Variants in CDH12 observed in about 807,000 individuals in gnomAD.
CDH12 encodes cadherin 12.
CDH12 carries 41 observed loss-of-function variants against 74.1 expected under a neutral mutation model. The ratio of observed to expected loss-of-function variants is 0.55; its 90% CI spans 0.43 to 0.72. The LOEUF (loss-of-function observed/expected upper bound fraction) is 0.72. Among genes scored for constraint, CDH12 ranks in the 30% least tolerant of loss-of-function variants. The pLI is 0.00. For synonymous variants in CDH12, 399 were observed against 355.0 expected, an observed-to-expected ratio of 1.12 and a Z score of -1.39; for missense variants, 945 against 977.2, an observed-to-expected ratio of 0.97 and a Z score of 0.44.
At chr5:22,097,796 C>T (rs544732651) in intron 4 of CDH12, among the ~76,000 whole-genome samples, 3 of 152,210 alleles carry the variant, frequency 2.0e-5, no homozygotes, top group Non-Finnish European at 2.9e-5. Context: ...CCCATTAAAA[C>T]CTAATCACTC....
At chr5:22,086,655 C>G (rs1363377588) in intron 4 of CDH12, among the ~76,000 whole-genome samples, 3 of 151,946 alleles carry the variant, frequency 2.0e-5, no homozygotes, top group Non-Finnish European at 4.4e-5. Flanking sequence ...CCGTGCCCGG[C>G]CCGAATTTTA....
intron 5 of CDH12, among the ~76,000 whole-genome samples, chr5:22,040,409 C>A (rs550579093): frequency 1.3e-5 from 2 of 152,214 alleles, no homozygotes; most frequent in African/African-American, 4.8e-5. Flanking sequence ...TTGCTGAAAA[C>A]TCCCCAAGTG....
At chr5:21,894,786 G>T (rs1244608819) in intron 6 of CDH12, among the ~76,000 whole-genome samples, 1 of 151,880 alleles carries the variant, frequency 6.6e-6, no homozygotes, top group African/African-American at 2.4e-5. Flanking sequence ...GTAACCCTTG[G>T]CAACACGAAA....
chr5:21,855,602 G>A (rs1013165843), intron 6 of CDH12, among the ~76,000 whole-genome samples: 7 of 151,304 alleles, frequency 4.6e-5, no homozygotes, highest in Non-Finnish European at 8.9e-5. Flanking sequence ...TACCCAAATT[G>A]TAGCAAATAA....
At chr5:22,276,747 C>A (rs1313915386) in intron 3 of CDH12, among the ~76,000 whole-genome samples, 1 of 152,112 alleles carries the variant, frequency 6.6e-6, no homozygotes, top group Admixed American at 6.5e-5. Flanking sequence ...AGCGCAGTGG[C>A]GCGATCTCAG....
chr5:22,462,599 G>T (rs190841493), intron 2 of CDH12, among the ~76,000 whole-genome samples: 3 of 152,084 alleles, frequency 2.0e-5, no homozygotes, highest in African/African-American at 7.2e-5. Flanking sequence ...ACCCACACCT[G>T]TGAAGATCTG....
intron 6 of CDH12, among the ~76,000 whole-genome samples, chr5:21,888,038 C>T (rs1040480401): frequency 5.3e-5 from 8 of 151,808 alleles, no homozygotes; most frequent in African/African-American, 1.9e-4. Flanking sequence ...ATAACAACAA[C>T]AACAACAAAA....
chr5:22,406,074 T>C (rs748382788), intron 2 of CDH12, among the ~76,000 whole-genome samples: 3 of 152,212 alleles, frequency 2.0e-5, no homozygotes, highest in Non-Finnish European at 4.4e-5. Flanking sequence ...TATATTCAAT[T>C]CAATACTGGT....
chr5:22,795,560 C>T (rs569653501), intron 1 of CDH12, among the ~76,000 whole-genome samples: 8 of 150,986 alleles, frequency 5.3e-5, no homozygotes, highest in Non-Finnish European at 7.4e-5. Context: ...ATAATATATA[C>T]ACATACACAT....
At chr5:22,147,883 C>G (rs1747310553) in intron 4 of CDH12, among the ~76,000 whole-genome samples, 1 of 152,102 alleles carries the variant, frequency 6.6e-6, no homozygotes, top group Non-Finnish European at 1.5e-5. Context: ...TGGGTGGGGA[C>G]ACAGCCAAGC....
At chr5:22,704,321 A>G (rs544387397) in intron 1 of CDH12, among the ~76,000 whole-genome samples, 44 of 152,280 alleles carry the variant, frequency 2.9e-4, no homozygotes, top group South Asian at 2.7e-3. Flanking sequence ...CCACCACCAT[A>G]AAGTCCTTAA....
intron 1 of CDH12, among the ~76,000 whole-genome samples, chr5:22,523,424 T>C (rs913703260): frequency 5.9e-5 from 9 of 152,316 alleles, no homozygotes; most frequent in East Asian, 3.9e-4. Flanking sequence ...AACAAACTCA[T>C]GCACATCCAC....
intron 1 of CDH12, among the ~76,000 whole-genome samples, chr5:22,656,302 T>A (rs927157492): frequency 6.6e-6 from 1 of 152,188 alleles, no homozygotes; most frequent in East Asian, 1.9e-4. Context: ...TGGTTCAGAT[T>A]GAATATTTAT....
chr5:22,685,094 G>A (rs181790787), intron 1 of CDH12, among the ~76,000 whole-genome samples: 1 of 152,164 alleles, frequency 6.6e-6, no homozygotes, highest in Admixed American at 6.5e-5. Context: ...TAGCCCATCA[G>A]TTTTTGTTTT....
chr5:22,567,271 T>C (rs1378369350), intron 1 of CDH12, among the ~76,000 whole-genome samples: 6 of 152,148 alleles, frequency 3.9e-5, no homozygotes, highest in Non-Finnish European at 5.9e-5. Flanking sequence ...TAAAAGATGC[T>C]AAAGAGGTAC....
chr5:22,510,126 C>T (rs573324478), intron 1 of CDH12, among the ~76,000 whole-genome samples: 2 of 151,840 alleles, frequency 1.3e-5, no homozygotes, highest in Non-Finnish European at 2.9e-5. Context: ...CTGTAATAGA[C>T]ACATAATACA....
chr5:22,308,885 AGAGAGAGAGAGAGGAGAGAGAG>A (rs1291004050), intron 3 of CDH12, among the ~76,000 whole-genome samples: 8 of 36,292 alleles, frequency 2.2e-4, no homozygotes, highest in African/African-American at 5.4e-4. Flanking sequence ...AGAGAGAGAA[AGAGAGAGAGAGAGGAGAGAGAG>A]GAGAGAGAGA....
intron 3 of CDH12, among the ~76,000 whole-genome samples, chr5:22,314,238 A>T (rs773017908): frequency 6.6e-6 from 1 of 152,184 alleles, no homozygotes. Context: ...TTTAAAAACC[A>T]TGATGTTTAG....
intron 4 of CDH12, among the ~76,000 whole-genome samples, chr5:22,083,760 C>G (rs1165919126): frequency 6.6e-6 from 1 of 152,096 alleles, no homozygotes; most frequent in Non-Finnish European, 1.5e-5. Flanking sequence ...AGCTCATACT[C>G]TTGGATCCTC....
Sources: gnomAD v4.1 joint callset for allele counts (sites outside exome capture counted in the v4.1 genomes callset) on GRCh38, gnomAD v4.1.1 for gene constraint, MANE v1.5 for transcripts, NCBI Gene and HGNC (gene_info 2026-07-23, HGNC 2026-07-21) for gene names.